TOX: variants seen among roughly 807,000 people sequenced by gnomAD.
TOX encodes the protein thymocyte selection associated high mobility group box, also known as thymocyte selection-associated high mobility group box protein TOX.
In TOX, 11 loss-of-function variants were observed where a neutral mutation model predicts 53.7. The observed-to-expected ratio is 0.20, with a 90% confidence interval of 0.13 to 0.34. The LOEUF (loss-of-function observed/expected upper bound fraction) is 0.34. Ranked by LOEUF, TOX falls within the 10% of genes least tolerant of loss-of-function variation. The pLI is 1.00. For synonymous variants in TOX, 225 were observed against 245.3 expected (o/e 0.92, Z 0.77); for missense variants, 570 against 664.6 (o/e 0.86, Z 1.56).
intron 1 of TOX, among the ~76,000 whole-genome samples, chr8:58,995,697 G>A (rs910269215): frequency 6.6e-6 from 1 of 152,176 alleles, no homozygotes; most frequent in African/African-American, 2.4e-5. Context: ...ATAAAAATAT[G>A]AATTGGGGGA....
chr8:59,113,618 T>A (rs1234119336), intron 1 of TOX, among the ~76,000 whole-genome samples: 1 of 152,070 alleles, frequency 6.6e-6, no homozygotes. Flanking sequence ...GTGATTAGTA[T>A]CCAGTGGAGA....
chr8:58,898,283 C>T (rs1177724438), intron 3 of TOX, among the ~76,000 whole-genome samples: 1 of 144,862 alleles, frequency 6.9e-6, no homozygotes, highest in East Asian at 2.0e-4. Flanking sequence ...TCAATTTACA[C>T]CTTCGCAAAA....
At chr8:59,013,652 G>T (rs903837228) in intron 1 of TOX, among the ~76,000 whole-genome samples, 16 of 152,072 alleles carry the variant, frequency 1.1e-4, no homozygotes, top group African/African-American at 3.6e-4. Flanking sequence ...CTCGTGATCC[G>T]CCCGCTCCGG....
chr8:58,988,359 C>T (rs1448179635), intron 1 of TOX, among the ~76,000 whole-genome samples: 2 of 152,174 alleles, frequency 1.3e-5, no homozygotes, highest in African/African-American at 2.4e-5. Context: ...GCAAAACAGC[C>T]ATGTTCTTTC....
At chr8:58,867,747 G>A (rs555280029) in intron 3 of TOX, among the ~76,000 whole-genome samples, 34 of 152,230 alleles carry the variant, frequency 2.2e-4, no homozygotes, top group African/African-American at 7.7e-4. Context: ...GAGCAGCAGG[G>A]CACGAATTTG....
In TOX at chr8:59,019,938, T is replaced by G. The variant is rs540012810; in HGVS notation, c.103-59930A>C. Among the ~76,000 whole-genome samples, 4 of 152,350 alleles carry G rather than the reference T, an allele frequency of 2.6e-5. No individual in the cohort carries two copies. In the South Asian group the frequency reaches 8.3e-4, roughly 32 times the overall value. ...CTGCATCTCTCAAATGAATCATACATAGTTCACTCTTCAAGATTAAATATG... is the reference window on the plus strand; with the variant it reads ...CTGCATCTCTCAAATGAATCATACAGAGTTCACTCTTCAAGATTAAATATG... On this transcript the variant is annotated intron_variant, in intron 1 of 8. Coordinates refer to ENST00000361421, the MANE Select transcript of TOX (RefSeq NM_014729.3).
At chr8:58,955,368 A>C (rs866919910) in intron 2 of TOX, among the ~76,000 whole-genome samples, 1 of 152,156 alleles carries the variant, frequency 6.6e-6, no homozygotes, top group African/African-American at 2.4e-5. Context: ...GGAAAGAAGA[A>C]GGAAGAAAGG....
intron 3 of TOX, among the ~76,000 whole-genome samples, chr8:58,871,476 A>G (rs948764846): frequency 3.3e-5 from 5 of 152,184 alleles, no homozygotes; most frequent in African/African-American, 1.2e-4. Flanking sequence ...AGCTTAATGT[A>G]TTGCAAACAT....
intron 1 of TOX, among the ~76,000 whole-genome samples, chr8:59,080,393 T>C (rs1007074355): frequency 6.6e-6 from 1 of 152,112 alleles, no homozygotes; most frequent in Admixed American, 6.5e-5. Flanking sequence ...TACAGGCTCA[T>C]AGGTAAAGGT....
Position 58,851,785 on chromosome 8 carries a change from T to G in TOX, c.432A>C (p.Pro144=), listed in dbSNP as rs772493960. ...GATGGGAACTGTACTGAGTTCCTTC[T>G]GGGTTTCGTATATCTGGCATCTACA... ...SISVMPDIRN[P]EGTQYSSHPQ... Residue 144 remains proline, a synonymous_variant, in exon 4 of 9, where the codon CCA becomes CCC. Coordinates refer to ENST00000361421, the MANE Select transcript of TOX (RefSeq NM_014729.3). This position sits in a 1 kb window ranked among gnomAD's most constrained non-coding sequence, Gnocchi z 4.4. The G allele has an allele frequency of 1.3e-6, 2 of 1,585,236 alleles. No homozygotes were observed. Among genetic ancestry groups the G allele is most frequent in the East Asian group, 4.5e-5 (2 of 44,500 alleles).
chr8:58,970,644 T>C (rs1427878397), intron 1 of TOX, among the ~76,000 whole-genome samples: 1 of 152,246 alleles, frequency 6.6e-6, no homozygotes, highest in African/African-American at 2.4e-5. Flanking sequence ...CATCTCTTTC[T>C]ACTGTTGTTG....
At chr8:59,037,176 T>A (rs2129420433) in intron 1 of TOX, among the ~76,000 whole-genome samples, 2 of 152,132 alleles carry the variant, frequency 1.3e-5, no homozygotes, top group South Asian at 4.1e-4. Flanking sequence ...CCTTTTTTTT[T>A]TTTTCACTTT....
chr8:59,097,759 T>C (rs995453504), intron 1 of TOX, among the ~76,000 whole-genome samples: 4 of 152,194 alleles, frequency 2.6e-5, no homozygotes, highest in Non-Finnish European at 5.9e-5. Context: ...ATTTTAGAGT[T>C]TTATGATATG....
chr8:58,915,664 C>G (rs1411413561), intron 3 of TOX, among the ~76,000 whole-genome samples: 1 of 149,620 alleles, frequency 6.7e-6, no homozygotes, highest in East Asian at 2.0e-4. Context: ...TCCAAAGGAA[C>G]GCAGTTCCTC....
At chr8:58,857,480 T>C (rs1239565506) in intron 3 of TOX, among the ~76,000 whole-genome samples, 2 of 152,192 alleles carry the variant, frequency 1.3e-5, no homozygotes, top group Non-Finnish European at 1.5e-5. Flanking sequence ...TTGATGACCA[T>C]TGTCAATTAA....
At chr8:58,885,085 A>T (rs1811443709) in intron 3 of TOX, among the ~76,000 whole-genome samples, 1 of 152,156 alleles carries the variant, frequency 6.6e-6, no homozygotes, top group Admixed American at 6.5e-5. Flanking sequence ...AAACAGTATT[A>T]ACCTTTTACA....
chr8:58,933,112 G>A lies in TOX; in HGVS notation c.411+6190C>T, dbSNP rs578112368. The stretch of plus-strand genomic sequence containing the variant: ...GAAGCACACTCTACAAAAAGCCCAG[G>A]TTCTAAACGAATCCTTTCTTTGAGG... On this transcript the variant is annotated intron_variant, in intron 3 of 8. Transcript: ENST00000361421. Among the ~76,000 whole-genome samples the A allele has an allele frequency of 2.0e-5, 3 of 152,226 alleles. No individual in the cohort carries two copies. The South Asian group carries it at 6.2e-4, about 32-fold the overall frequency.
At chr8:59,059,304 G>C (rs1008331976) in intron 1 of TOX, among the ~76,000 whole-genome samples, 1 of 152,006 alleles carries the variant, frequency 6.6e-6, no homozygotes, top group African/African-American at 2.4e-5. Context: ...GAGAAGGTGG[G>C]GCTACCTTGG....
chr8:58,891,859 G>A (rs1036060581), intron 3 of TOX, among the ~76,000 whole-genome samples: 4 of 152,008 alleles, frequency 2.6e-5, no homozygotes, highest in African/African-American at 7.3e-5. Context: ...GCAGAGCCTG[G>A]GCTCTGTGTT....
Sources: allele counts gnomAD v4.1 joint callset (sites outside exome capture counted in the v4.1 genomes callset), GRCh38; gene constraint gnomAD v4.1.1; non-coding constraint Gnocchi (gnomAD v3.1); transcripts MANE v1.5; gene names NCBI Gene and HGNC (gene_info 2026-07-23, HGNC 2026-07-21).